The following ASIC2 variants were observed in gnomAD, a reference collection of about 807,000 sequenced individuals.
ASIC2 encodes acid-sensing ion channel 2.
In ASIC2, 25 loss-of-function variants were observed where a neutral mutation model predicts 57.3. That is an observed-to-expected ratio of 0.44 (90% CI 0.32 to 0.61). The LOEUF (loss-of-function observed/expected upper bound fraction) is 0.61. Ranked by LOEUF, ASIC2 falls within the 20% of genes least tolerant of loss-of-function variation. The pLI is 0.06. For synonymous variants in ASIC2, 319 were observed against 307.5 expected (o/e 1.04, Z -0.39); for missense variants, 641 against 738.1 (o/e 0.87, Z 1.52).
At chr17:33,216,942 C>T (rs1182951519) in intron 1 of ASIC2, among the ~76,000 whole-genome samples, 2 of 151,756 alleles carry the variant, frequency 1.3e-5, no homozygotes, top group Non-Finnish European at 2.9e-5. Context: ...GAGAGGGAGG[C>T]AGTTGGGAGG....
chr17:33,482,840 G>T (rs1913451015), intron 1 of ASIC2, among the ~76,000 whole-genome samples: 1 of 152,210 alleles, frequency 6.6e-6, no homozygotes, highest in African/African-American at 2.4e-5. Context: ...TTCAAGACAG[G>T]CCTGGCAATG....
At chr17:34,077,107 C>A in intron 1 of ASIC2, among the ~76,000 whole-genome samples, 1 of 152,316 alleles carries the variant, frequency 6.6e-6, no homozygotes, top group Non-Finnish European at 1.5e-5. Flanking sequence ...ACCTGGGATT[C>A]GGATCCAGGC....
intron 1 of ASIC2, among the ~76,000 whole-genome samples, chr17:33,817,995 C>T (rs1036672222): frequency 5.3e-5 from 8 of 152,296 alleles, no homozygotes; most frequent in Non-Finnish European, 1.2e-4. Context: ...GCTCAAAGCT[C>T]CCAAGGTATG....
chr17:33,318,245 C>A (rs1906734644), intron 1 of ASIC2, among the ~76,000 whole-genome samples: 1 of 152,090 alleles, frequency 6.6e-6, no homozygotes, highest in African/African-American at 2.4e-5. Flanking sequence ...CCAGGGCCTT[C>A]TTGCTTTCTT....
Position 33,293,079 on chromosome 17 carries a change from C to T in ASIC2, c.-964G>A. 1 of 973,964 alleles carries T rather than the reference C, an allele frequency of 1.0e-6. No homozygotes were observed. The highest frequency in any genetic ancestry group is 1.2e-6 in the Non-Finnish European group (1 of 819,530). 60.3% of individuals were successfully genotyped at this position (973,964 alleles called of 1,614,324 possible). ...AAGAGCTGGGGACTGCGGGGACCCG[C>T]CAACACCTCCCGGGGGTGACCCGGA... On this transcript the variant is annotated 5_prime_UTR_variant, in exon 1 of 10. Coordinates refer to ENST00000225823, the MANE Select transcript of ASIC2 (RefSeq NM_183377.2).
chr17:33,751,877 G>C (rs1910445404), intron 1 of ASIC2, among the ~76,000 whole-genome samples: 1 of 150,736 alleles, frequency 6.6e-6, no homozygotes, highest in Non-Finnish European at 1.5e-5. Context: ...GAGGCAGCGG[G>C]AGGCTGGGAG....
chr17:33,570,234 G>A (rs1309237944), intron 1 of ASIC2, among the ~76,000 whole-genome samples: 1 of 152,214 alleles, frequency 6.6e-6, no homozygotes, highest in Non-Finnish European at 1.5e-5. Context: ...TCTCCTCCAA[G>A]AATCCTGCCT....
intron 1 of ASIC2, among the ~76,000 whole-genome samples, chr17:33,854,729 C>G (rs1913869657): frequency 6.6e-6 from 1 of 152,088 alleles, no homozygotes; most frequent in Admixed American, 6.5e-5. Context: ...TGTGTGTGCA[C>G]AGCTGAGTCA....
chr17:34,000,572 A>T (rs1386741986), intron 1 of ASIC2, among the ~76,000 whole-genome samples: 1 of 151,966 alleles, frequency 6.6e-6, no homozygotes, highest in East Asian at 1.9e-4. Flanking sequence ...TTTATATTTA[A>T]TCTATCTGGA....
intron 1 of ASIC2, among the ~76,000 whole-genome samples, chr17:33,659,871 CAAATAAATAAATAAATAAATAAATAAAT>C (rs145561483): frequency 7.5e-6 from 1 of 133,288 alleles, no homozygotes; most frequent in African/African-American, 2.8e-5. Flanking sequence ...GACTCTGTCT[CAAATAAATAAATAAATAAATAAATAAAT>C]AAATAAATAA....
At chr17:33,095,080 G>A (rs747860426) in intron 2 of ASIC2, among the ~76,000 whole-genome samples, 6 of 152,170 alleles carry the variant, frequency 3.9e-5, no homozygotes, top group Non-Finnish European at 8.8e-5. Flanking sequence ...GCTTAAATGA[G>A]CCATTGCATG....
At chr17:33,467,914 G>A (rs1912918302) in intron 1 of ASIC2, among the ~76,000 whole-genome samples, 1 of 152,162 alleles carries the variant, frequency 6.6e-6, no homozygotes, top group Admixed American at 6.5e-5. Context: ...CATTGGCCAT[G>A]GTCACTCATA....
intron 1 of ASIC2, among the ~76,000 whole-genome samples, chr17:33,594,604 G>A (rs546791083): frequency 3.3e-5 from 5 of 151,832 alleles, no homozygotes; most frequent in East Asian, 3.9e-4. Flanking sequence ...TGAGGCAGGC[G>A]GATCACGAGA....
chr17:33,453,215 G>C (rs2141991342), intron 1 of ASIC2, among the ~76,000 whole-genome samples: 1 of 151,636 alleles, frequency 6.6e-6, no homozygotes, highest in East Asian at 1.9e-4. Flanking sequence ...GGATGTATTG[G>C]GGAGCTGGGG....
At chr17:33,898,269 T>TCTGTC (rs1254987680) in intron 1 of ASIC2, among the ~76,000 whole-genome samples, 3 of 133,856 alleles carry the variant, frequency 2.2e-5, no homozygotes, top group African/African-American at 8.3e-5. Flanking sequence ...TGAGTCTCGC[T>TCTGTC]CTGTCACCCA....
At chr17:33,496,324 T>A (rs1262129105) in intron 1 of ASIC2, among the ~76,000 whole-genome samples, 3 of 152,190 alleles carry the variant, frequency 2.0e-5, no homozygotes, top group Non-Finnish European at 4.4e-5. Flanking sequence ...GCCCCTTCTC[T>A]GCTTCTATGG....
intron 1 of ASIC2, among the ~76,000 whole-genome samples, chr17:33,268,812 T>C (rs925923602): frequency 1.2e-4 from 19 of 152,190 alleles, no homozygotes; most frequent in African/African-American, 3.9e-4. Flanking sequence ...AGAAAGTTTA[T>C]GCCGCTTCAC....
chr17:34,036,267 C>A (rs1486966111), intron 1 of ASIC2, among the ~76,000 whole-genome samples: 2 of 149,862 alleles, frequency 1.3e-5, no homozygotes, highest in Admixed American at 1.3e-4. Context: ...CAAGCTATCG[C>A]AAGGACAAAA....
chr17:33,419,214 G>A (rs1910964057), intron 1 of ASIC2, among the ~76,000 whole-genome samples: 1 of 152,232 alleles, frequency 6.6e-6, no homozygotes, highest in African/African-American at 2.4e-5. Flanking sequence ...TGCCCCAGAG[G>A]GAGCGGCTAA....
Sources: gnomAD v4.1 joint callset for allele counts (sites outside exome capture counted in the v4.1 genomes callset) on GRCh38, gnomAD v4.1.1 for gene constraint, MANE v1.5 for transcripts, NCBI Gene and HGNC (gene_info 2026-07-23, HGNC 2026-07-21) for gene names.